The following ADCY2 variants were observed in gnomAD, a reference collection of about 807,000 sequenced individuals.
ADCY2 encodes the protein adenylate cyclase type 2.
Under a neutral mutation model 125.2 loss-of-function variants are expected in ADCY2, and 31 were observed. That is an observed-to-expected ratio of 0.25 (90% CI 0.19 to 0.33). The LOEUF is 0.33. ADCY2 is among the 10% of genes least tolerant of loss of function. ADCY2 has a pLI of 1.00. For synonymous variants in ADCY2, 512 were observed against 548.4 expected (o/e 0.93, Z 0.93); for missense variants, 904 against 1,418.2 (o/e 0.64, Z 5.82).
intron 4 of ADCY2, among the ~76,000 whole-genome samples, chr5:7,682,860 A>T (rs1740387222): frequency 6.6e-6 from 1 of 152,228 alleles, no homozygotes; most frequent in Non-Finnish European, 1.5e-5. Flanking sequence ...ATTTGCATGT[A>T]GGATAACATC....
intron 2 of ADCY2, among the ~76,000 whole-genome samples, chr5:7,501,007 T>C (rs1225742490): frequency 2.0e-5 from 3 of 152,170 alleles, no homozygotes; most frequent in Non-Finnish European, 4.4e-5. Context: ...CGTCAAGTGA[T>C]TTCACAGTTG....
intron 2 of ADCY2, among the ~76,000 whole-genome samples, chr5:7,448,381 G>A (rs1430727739): frequency 6.6e-6 from 1 of 152,132 alleles, no homozygotes; most frequent in African/African-American, 2.4e-5. Context: ...TCTCCCCTGA[G>A]TCTCTCTCTG....
intron 13 of ADCY2, among the ~76,000 whole-genome samples, chr5:7,726,156 A>G (rs1393225157): frequency 2.6e-5 from 4 of 152,200 alleles, no homozygotes; most frequent in Admixed American, 1.3e-4. Flanking sequence ...AATGTAGCCA[A>G]TGCAACCTGA....
At chr5:7,473,827 G>T (rs1028522603) in intron 2 of ADCY2, among the ~76,000 whole-genome samples, 1 of 152,194 alleles carries the variant, frequency 6.6e-6, no homozygotes, top group African/African-American at 2.4e-5. Flanking sequence ...GGAGGCCTGT[G>T]GAGAAAAGCC....
intron 4 of ADCY2, 101 bp downstream of exon 4, chr5:7,626,417 G>GA: frequency 3.7e-6 from 5 of 1,363,172 alleles, no homozygotes; most frequent in Non-Finnish European, 5.0e-6. Flanking sequence ...ATGAGCTTCA[G>GA]AAAAATCAGA....
At chr5:7,457,053 A>AG (rs1373536867) in intron 2 of ADCY2, among the ~76,000 whole-genome samples, 1 of 152,172 alleles carries the variant, frequency 6.6e-6, no homozygotes, top group Non-Finnish European at 1.5e-5. Context: ...GAAACTTAAG[A>AG]GGAGGTCCCA....
intron 17 of ADCY2, among the ~76,000 whole-genome samples, chr5:7,767,805 C>T (rs1350617433): frequency 6.6e-6 from 1 of 151,906 alleles, no homozygotes; most frequent in Non-Finnish European, 1.5e-5. Flanking sequence ...CCGAGGCAGG[C>T]AGATCACGAG....
intron 15 of ADCY2, chr5:7,749,825 G>A (rs545132307): frequency 9.9e-5 from 15 of 152,168 alleles, no homozygotes; most frequent in African/African-American, 1.4e-4. Context: ...TAGAGAGGTC[G>A]CCTCGGGAAA....
chr5:7,701,954 C>G (rs1253054377), intron 7 of ADCY2, among the ~76,000 whole-genome samples: 4 of 151,586 alleles, frequency 2.6e-5, no homozygotes, highest in African/African-American at 9.7e-5. Context: ...TTTGAGGGAC[C>G]TCTCCCAATT....
intron 5 of ADCY2, among the ~76,000 whole-genome samples, chr5:7,695,022 T>G (rs148439559): frequency 1.6e-4 from 25 of 152,372 alleles, no homozygotes; most frequent in African/African-American, 5.5e-4. Flanking sequence ...ATATTCACTT[T>G]GTGAATCTCA....
At chr5:7,414,799 C>T (rs1189200634) in intron 2 of ADCY2, 29 bp downstream of exon 2, 1 of 1,565,380 alleles carries the variant, frequency 6.4e-7, no homozygotes, top group Non-Finnish European at 8.7e-7. Flanking sequence ...TTTTGTACTT[C>T]TTTTATGTCT....
chr5:7,512,259 A>G (rs943162288), intron 2 of ADCY2, among the ~76,000 whole-genome samples: 3 of 150,162 alleles, frequency 2.0e-5, no homozygotes, highest in African/African-American at 4.9e-5. Flanking sequence ...TCAGAGGGCT[A>G]TAAACAGAGG....
At chr5:7,545,761 G>A (rs190169490) in intron 3 of ADCY2, among the ~76,000 whole-genome samples, 12 of 152,186 alleles carry the variant, frequency 7.9e-5, no homozygotes, top group Admixed American at 2.0e-4. Flanking sequence ...CACGCCAACC[G>A]ATAAACAGCC....
intron 5 of ADCY2, chr5:7,692,140 A>G (rs1038752461): frequency 1.3e-5 from 2 of 152,222 alleles, no homozygotes; most frequent in Non-Finnish European, 2.9e-5. Context: ...TAACCTGTGC[A>G]TGAATCTGAC....
At position 7,723,105 on chromosome 5, in the gene ADCY2, C is replaced by T. The variant is rs545898094; in HGVS notation, c.1704-1440C>T. Among the ~76,000 whole-genome samples the T allele has an allele frequency of 6.2e-4, 72 of 116,810 alleles. No homozygotes were observed. The Middle Eastern group carries it at 0.014, about 23-fold the overall frequency. The allele number at this position is 116,810 out of a possible 152,430, so 76.6% of individuals were successfully genotyped here. On this transcript the variant is annotated intron_variant, in intron 12 of 24. Transcript: ENST00000338316. ...AAGTGGGATGAGAGATGAGAACACA[C>T]GGACACATAGAGGACAATGACACAC...
intron 2 of ADCY2, among the ~76,000 whole-genome samples, chr5:7,430,004 G>A (rs1213552382): frequency 6.6e-6 from 1 of 152,104 alleles, no homozygotes; most frequent in Non-Finnish European, 1.5e-5. Context: ...TAAAATGATT[G>A]ATATTAGGAA....
In ADCY2 at chr5:7,749,747, C is replaced by T. The variant is rs1742743259; in HGVS notation, c.1956+5995C>T. 2.0e-5 allele frequency: 3 copies of T among 152,292 alleles called. No individual in the cohort carries two copies. In the South Asian group the frequency reaches 6.2e-4, roughly 32 times the overall value. The allele number at this position is 152,292 out of a possible 1,614,324, so 9.4% of individuals were successfully genotyped here. A position where few individuals can be genotyped will look rare whatever the true frequency, so the allele number is the denominator to read the frequency against. On this transcript the variant is annotated intron_variant, in intron 15 of 24. Coordinates refer to ENST00000338316, the MANE Select transcript of ADCY2 (RefSeq NM_020546.3). The stretch of plus-strand genomic sequence containing the variant: ...TTTCTCTCAGTGTTGTTACCTTGTG[C>T]TTTCAATAGCAGAGATAATACGATG...
At chr5:7,650,369 T>C (rs1739047043) in intron 4 of ADCY2, among the ~76,000 whole-genome samples, 1 of 152,218 alleles carries the variant, frequency 6.6e-6, no homozygotes. Context: ...GTATGACAGC[T>C]GCCATTACCA....
At chr5:7,617,578 G>C (rs1028951956) in intron 3 of ADCY2, among the ~76,000 whole-genome samples, 1 of 152,212 alleles carries the variant, frequency 6.6e-6, no homozygotes, top group African/African-American at 2.4e-5. Flanking sequence ...ACTGGGAAAA[G>C]CAGCTGCAGT....
Sources: gnomAD v4.1 joint callset for allele counts (sites outside exome capture counted in the v4.1 genomes callset) on GRCh38, gnomAD v4.1.1 for gene constraint, MANE v1.5 for transcripts, NCBI Gene and HGNC (gene_info 2026-07-23, HGNC 2026-07-21) for gene names.